The following CLIC5 variants were observed in gnomAD, a reference collection of about 807,000 sequenced individuals.
CLIC5 encodes the protein chloride intracellular channel protein 5.
Under a neutral mutation model 24.7 loss-of-function variants are expected in CLIC5, and 20 were observed. The ratio of observed to expected loss-of-function variants is 0.81; its 90% confidence interval spans 0.57 to 1.18. The LOEUF (loss-of-function observed/expected upper bound fraction) is 1.18. Ranked by LOEUF, CLIC5 falls within the 50% of genes most tolerant of loss-of-function variation. The pLI is 0.00. For missense variants in CLIC5, 341 were observed against 326.1 expected (o/e 1.05, Z -0.35); for synonymous variants, 159 against 135.6 (o/e 1.17, Z -1.20).
intron 6 of CLIC5, chr6:45,892,015 G>T (rs1223477337): frequency 6.6e-6 from 1 of 152,122 alleles, no homozygotes; most frequent in Non-Finnish European, 1.5e-5. Context: ...CCCATACTGT[G>T]TGCTACCTGC....
Position 45,955,324 on chromosome 6 carries a change from G to A in CLIC5, c.64-80C>T, listed in dbSNP as rs1002816718. On this transcript the variant is annotated intron_variant, in intron 1 of 5. Transcript: ENST00000339561. ...CATAAGATTGTAACACCCAAATGCAGGTCTGAGGAGACCTTACTAAAACCA... is the reference window on the plus strand; with the variant it reads ...CATAAGATTGTAACACCCAAATGCAAGTCTGAGGAGACCTTACTAAAACCA... 40 of 956,004 alleles carry A rather than the reference G, an allele frequency of 4.2e-5. No homozygotes were observed. The Admixed American group carries it at 9.0e-4, about 21-fold the overall frequency. 59.2% of individuals were successfully genotyped at this position (956,004 alleles called of 1,614,324 possible). A position where few individuals can be genotyped will look rare whatever the true frequency, so the allele number is the denominator to read the frequency against.
chr6:46,062,732 C>T (rs771306285), intron 1 of CLIC5, among the ~76,000 whole-genome samples: 26 of 152,320 alleles, frequency 1.7e-4, no homozygotes, highest in Non-Finnish European at 3.7e-4. Flanking sequence ...GCGCATTTTC[C>T]TAGGTACGCA....
Position 46,064,221 on chromosome 6 carries a change from T to C in CLIC5, c.540+15482A>G, listed in dbSNP as rs1484708823. Among the ~76,000 whole-genome samples the C allele has an allele frequency of 2.0e-5, 3 of 152,080 alleles. No homozygotes were observed. The East Asian group carries it at 5.8e-4, about 29-fold the overall frequency. On this transcript the variant is annotated intron_variant, in intron 1 of 5. Coordinates refer to the CLIC5 transcript ENST00000185206. ...CAAATAATTTGAAGGAAACAAATTATCAAACTCAGTGACAAAGAAAGCAAT... is the reference window on the plus strand; with the variant it reads ...CAAATAATTTGAAGGAAACAAATTACCAAACTCAGTGACAAAGAAAGCAAT...
chr6:46,110,170 C>A, the CLIC5 span, among the ~76,000 whole-genome samples: 1 of 152,220 alleles, frequency 6.6e-6, no homozygotes, highest in African/African-American at 2.4e-5. Context: ...ACCATCACAG[C>A]TGTAGATCAT....
At chr6:46,072,785 C>T (rs532484759) in intron 1 of CLIC5, among the ~76,000 whole-genome samples, 5 of 152,266 alleles carry the variant, frequency 3.3e-5, no homozygotes, top group African/African-American at 1.2e-4. Flanking sequence ...CCCACATGGG[C>T]ACACAAGGTG....
chr6:46,010,810 T>G (rs1766781747), intron 1 of CLIC5, among the ~76,000 whole-genome samples: 1 of 152,196 alleles, frequency 6.6e-6, no homozygotes, highest in African/African-American at 2.4e-5. Context: ...CAAATTTGTG[T>G]ATTGCGTTAT....
upstream of CLIC5, among the ~76,000 whole-genome samples, chr6:46,085,257 G>A (rs1763007404): frequency 6.6e-6 from 1 of 152,128 alleles, no homozygotes; most frequent in South Asian, 2.1e-4. Flanking sequence ...ATCGTCTGAA[G>A]CCTTCTTCTC....
intron 4 of CLIC5, chr6:45,934,417 T>C (rs997776501): frequency 2.9e-5 from 4 of 140,180 alleles, no homozygotes; most frequent in South Asian, 5.1e-4. Context: ...GAGAGAAAAG[T>C]GGACTTGAAG....
chr6:45,927,147 TTGAAG>T (rs1188496190), intron 4 of CLIC5, among the ~76,000 whole-genome samples: 1 of 147,746 alleles, frequency 6.8e-6, no homozygotes, highest in East Asian at 2.1e-4. Context: ...TAGAGGTGTG[TTGAAG>T]TGTTTGTATA....
chr6:46,052,903 T>A (rs1768144544), intron 1 of CLIC5, among the ~76,000 whole-genome samples: 1 of 152,006 alleles, frequency 6.6e-6, no homozygotes, highest in Non-Finnish European at 1.5e-5. Flanking sequence ...GAATGATGAT[T>A]GACTTGGCCT....
At chr6:46,121,671 T>TTC in the CLIC5 span, among the ~76,000 whole-genome samples, 1 of 152,124 alleles carries the variant, frequency 6.6e-6, no homozygotes, top group Non-Finnish European at 1.5e-5. Flanking sequence ...ATCAGTGTGC[T>TTC]CTATTCAGGA....
rs567003274 is a variant in CLIC5, at chr6:45,974,912, G to T, written c.64-19668C>A. ...AGATGGACTACAAATCATCTCTAAA[G>T]TTCAAGGAAGTTTTGCCTCAAAGTG... On this transcript the variant is annotated intron_variant, in intron 1 of 5. Transcript: ENST00000339561. Among the ~76,000 whole-genome samples, 5 of 152,186 alleles carry T rather than the reference G, an allele frequency of 3.3e-5. No homozygotes were observed. In the South Asian group the frequency reaches 1.0e-3, roughly 32 times the overall value.
chr6:46,111,324 G>GA, the CLIC5 span, among the ~76,000 whole-genome samples: 2 of 151,984 alleles, frequency 1.3e-5, no homozygotes, highest in Non-Finnish European at 2.9e-5. Flanking sequence ...TACAAATGCA[G>GA]AAAAAATCTG....
chr6:46,060,359 T>A (rs1247255869), intron 1 of CLIC5, among the ~76,000 whole-genome samples: 1 of 152,200 alleles, frequency 6.6e-6, no homozygotes, highest in African/African-American at 2.4e-5. Context: ...TGTAAAATTA[T>A]TGAGGTTACT....
intron 4 of CLIC5, among the ~76,000 whole-genome samples, chr6:45,935,514 T>G (rs1432214768): frequency 6.6e-6 from 1 of 152,212 alleles, no homozygotes; most frequent in Non-Finnish European, 1.5e-5. Context: ...GCCTTCTACT[T>G]CAGCACTCTA....
chr6:45,997,104 C>T (rs1274923349), intron 1 of CLIC5, among the ~76,000 whole-genome samples: 1 of 151,288 alleles, frequency 6.6e-6, no homozygotes, highest in Non-Finnish European at 1.5e-5. Context: ...GGAACCAAGC[C>T]AAATGTCCAA....
upstream of CLIC5, among the ~76,000 whole-genome samples, chr6:46,020,282 C>T (rs757253272): frequency 2.6e-5 from 4 of 152,110 alleles, no homozygotes; most frequent in Non-Finnish European, 5.9e-5. Flanking sequence ...ATATCCAAAA[C>T]ACTTCCAGTT....
intron 2 of CLIC5, among the ~76,000 whole-genome samples, chr6:45,950,935 C>T (rs1269752022): frequency 1.3e-5 from 2 of 151,940 alleles, no homozygotes; most frequent in African/African-American, 2.4e-5. Flanking sequence ...AGAAATTGTG[C>T]CTATTTTTAA....
At chr6:46,086,885 C>T in the CLIC5 span, among the ~76,000 whole-genome samples, 175 of 152,298 alleles carry the variant, frequency 1.1e-3, 1 homozygote, top group African/African-American at 3.9e-3. Flanking sequence ...ACATGCCACT[C>T]TCCCATCTAC....
Sources: allele counts gnomAD v4.1 joint callset (sites outside exome capture counted in the v4.1 genomes callset), GRCh38; gene constraint gnomAD v4.1.1; transcripts MANE v1.5; gene names NCBI Gene and HGNC (gene_info 2026-07-23, HGNC 2026-07-21).